Variants in FCGR1A observed in about 807,000 individuals in gnomAD.
The protein encoded by FCGR1A is Fc gamma receptor Ia.
A neutral mutation model predicts 35.0 loss-of-function variants in FCGR1A; 13 were observed. That is an observed-to-expected ratio of 0.37 (90% CI 0.24 to 0.59). FCGR1A has a LOEUF of 0.59. Ranked by LOEUF, FCGR1A falls within the 20% of genes least tolerant of loss-of-function variation. The pLI, the probability that FCGR1A is intolerant of heterozygous loss-of-function variation, is 0.71. For synonymous variants in FCGR1A, 91 were observed against 164.7 expected (o/e 0.55, Z 3.43); for missense variants, 227 against 430.0 (o/e 0.53, Z 4.17).
chr1:149,800,558 G>A, the FCGR1A span, among the ~76,000 whole-genome samples: 432 of 141,866 alleles, frequency 3.0e-3, 1 homozygote, highest in African/African-American at 0.011. Context: ...AGGATTTTAG[G>A]AGTTGTATGT....
chr1:149,799,809 C>T, the FCGR1A span, among the ~76,000 whole-genome samples: 86 of 152,280 alleles, frequency 5.6e-4, no homozygotes, highest in Middle Eastern at 3.4e-3. Flanking sequence ...ATCATGAGGA[C>T]GGAGAAACTC....
At chr1:149,793,441 C>T (rs1369215786), downstream of FCGR1A, among the ~76,000 whole-genome samples, 1 of 152,088 alleles carries the variant, frequency 6.6e-6, no homozygotes, top group Non-Finnish European at 1.5e-5. Context: ...CCGAGCTTCA[C>T]CCACAAGGGC....
At chr1:149,800,242 C>T in the FCGR1A span, among the ~76,000 whole-genome samples, 53 of 152,364 alleles carry the variant, frequency 3.5e-4, no homozygotes, top group African/African-American at 1.1e-3. Context: ...CCACTGGGTG[C>T]GCCGCCCTTC....
In FCGR1A at chr1:149,791,542, A is replaced by G; in HGVS notation, c.*25A>G. ...GCAGCGGCTCAGTGGGTGGCCATCG[A>G]TCTGGACCGTCCCCTGCCCACTTGC... On this transcript the variant is annotated 3_prime_UTR_variant, in exon 6 of 6. Coordinates refer to ENST00000369168, the MANE Select transcript of FCGR1A (RefSeq NM_000566.4). 6.2e-7 allele frequency: 1 copy of G among 1,610,246 alleles called. No individual in the cohort carries two copies. The highest frequency in any genetic ancestry group is 2.3e-4 in the Middle Eastern group (1 of 4,420).
chr1:149,793,018 C>T (rs1281851811), downstream of FCGR1A: 24 of 1,264,384 alleles, frequency 1.9e-5, no homozygotes, highest in South Asian at 2.5e-4. Flanking sequence ...CCTCCAACCC[C>T]GCCCCGGGCC....
chr1:149,789,045 C>G (rs587760386), intron 4 of FCGR1A, among the ~76,000 whole-genome samples: 8,310 of 151,740 alleles, frequency 0.055, 669 homozygotes, highest in African/African-American at 0.18. Context: ...AGGGACAAAG[C>G]AGCCTCTGTG....
chr1:149,790,550 T>G (rs1434340465), intron 5 of FCGR1A: 5 of 1,000,448 alleles, frequency 5.0e-6, no homozygotes, highest in African/African-American at 1.6e-5. Context: ...TTCTTTTTCC[T>G]TTGCCTTTCC....
chr1:149,794,271 G>A (rs587749165), downstream of FCGR1A, among the ~76,000 whole-genome samples: 1 of 151,490 alleles, frequency 6.6e-6, no homozygotes, highest in African/African-American at 2.4e-5. Flanking sequence ...AAAGAGAAGG[G>A]GGGGGAACAC....
Position 149,788,371 on chromosome 1 carries a change from C to T in FCGR1A, c.313C>T (p.Leu105=), listed in dbSNP as rs782637408. The T allele has an allele frequency of 6.2e-7, 1 of 1,612,580 alleles. No homozygotes were observed. The highest frequency in any genetic ancestry group is 2.2e-5 in the East Asian group (1 of 44,892). ...PIQLEIHRGW[L]LLQVSSRVFT... ...TTTGGGTTCATATTTTTCAGGCTGG[C>T]TACTACTGCAGGTCTCCAGCAGAGT... The change falls in exon 4 of 6, where the codon CTA becomes TTA. Residue 105 remains leucine (L), a synonymous_variant. Transcript: ENST00000369168.
chr1:149,789,387 C>T (rs1405668590), intron 4 of FCGR1A, among the ~76,000 whole-genome samples: 6 of 131,802 alleles, frequency 4.6e-5, no homozygotes, highest in African/African-American at 9.0e-5. Flanking sequence ...AGCGAGACTA[C>T]GTCTCAAATA....
Position 149,788,472 on chromosome 1 carries a change from T to A in FCGR1A, c.414T>A (p.Tyr138Ter). ...KDKLVYNVLY[Y>*]RNGKAFKFFH... ...AGCTGGTGTACAATGTGCTTTACTATCGAAATGGCAAAGCCTTTAAGTTTT... is the reference window on the plus strand; with the variant it reads ...AGCTGGTGTACAATGTGCTTTACTAACGAAATGGCAAAGCCTTTAAGTTTT... Residue 138 changes from tyrosine (Y) to a stop codon, truncating the protein, a stop_gained, in exon 4 of 6, where the codon TAT becomes TAA. Transcript: ENST00000369168. LOFTEE classifies it high-confidence loss of function. The A allele has an allele frequency of 6.2e-7, 1 of 1,613,712 alleles. No homozygotes were observed.
downstream of FCGR1A, chr1:149,792,781 A>G: frequency 7.8e-7 from 1 of 1,278,432 alleles, no homozygotes; most frequent in Non-Finnish European, 1.0e-6. Flanking sequence ...TGGAGGCTGC[A>G]GGAGCGAGAA....
chr1:149,789,393 A>AAATAATAAT lies in FCGR1A; in HGVS notation c.560-642_560-634dup, dbSNP rs781855250. Among the ~76,000 whole-genome samples, 520 of 148,820 alleles carry AAATAATAAT rather than the reference A, an allele frequency of 3.5e-3. 7 individuals carry two copies. Among genetic ancestry groups the AAATAATAAT allele is most frequent in the African/African-American group, 0.012 (460 of 39,552 alleles). ...GGGCAACAGAGCGAGACTACGTCTCAAATAATAATAATAATAATAATAATA... is the reference window on the plus strand; with the variant it reads ...GGGCAACAGAGCGAGACTACGTCTCAAATAATAATAATAATAATAATAATAATAATAATA... On this transcript the variant is annotated intron_variant, in intron 4 of 5. Transcript: ENST00000369168.
At chr1:149,793,292 C>T, downstream of FCGR1A, 3 of 1,191,572 alleles carry the variant, frequency 2.5e-6, no homozygotes, top group African/African-American at 1.7e-5. Context: ...GCCCGCCTCC[C>T]CGTCCAGCTC....
At chr1:149,786,600 G>T (rs1202750968) in intron 3 of FCGR1A, 9 of 152,076 alleles carry the variant, frequency 5.9e-5, no homozygotes, top group African/African-American at 2.2e-4. Flanking sequence ...CAGCTGGTTG[G>T]TGGACCCGAG....
At chr1:149,788,215 A>G in intron 3 of FCGR1A, 151 bp from the exon 4 acceptor site, 1 of 1,540,946 alleles carries the variant, frequency 6.5e-7, no homozygotes, top group Middle Eastern at 2.4e-4. Context: ...AAAGCTAAAG[A>G]TATTTGAGGA....
the FCGR1A span, among the ~76,000 whole-genome samples, chr1:149,800,377 C>T: frequency 6.6e-6 from 1 of 151,528 alleles, no homozygotes; most frequent in Middle Eastern, 3.4e-3. Context: ...TCGGCTTAAC[C>T]TTCAGCCCCT....
downstream of FCGR1A, among the ~76,000 whole-genome samples, chr1:149,796,269 T>C (rs1293884297): frequency 5.9e-5 from 9 of 152,088 alleles, no homozygotes; most frequent in Non-Finnish European, 1.0e-4. Context: ...TATGTGAAAG[T>C]AAAAGATTCC....
At chr1:149,793,028 C>T (rs2101431651), downstream of FCGR1A, 2 of 1,263,814 alleles carry the variant, frequency 1.6e-6, no homozygotes, top group Non-Finnish European at 2.0e-6. Context: ...CGCCCCGGGC[C>T]CGCCAGCTCC....
Sources: gnomAD v4.1 joint callset for allele counts (sites outside exome capture counted in the v4.1 genomes callset) on GRCh38, gnomAD v4.1.1 for gene constraint, MANE v1.5 for transcripts, NCBI Gene and HGNC (gene_info 2026-07-23, HGNC 2026-07-21) for gene names.